Variants in STK3 observed in about 807,000 individuals in gnomAD.
The protein encoded by STK3 is serine/threonine kinase 3.
In STK3, 41 loss-of-function variants were observed where a neutral mutation model predicts 58.0. The observed-to-expected ratio is 0.71, with a 90% CI of 0.55 to 0.92. The LOEUF is 0.92. STK3 is among the 40% of genes least tolerant of loss of function. The pLI is 0.00. For missense variants in STK3, 479 were observed against 602.7 expected (o/e 0.79, Z 2.15); for synonymous variants, 170 against 191.0 (o/e 0.89, Z 0.91).
At chr8:98,403,927 T>C (rs1057248267) in intron 3 of STK3, among the ~76,000 whole-genome samples, 1 of 152,240 alleles carries the variant, frequency 6.6e-6, no homozygotes, top group Non-Finnish European at 1.5e-5. Flanking sequence ...TGGGGATATA[T>C]GCAGATTTTG....
At chr8:98,719,539 G>GA (rs1392737964) in intron 4 of STK3, among the ~76,000 whole-genome samples, 1 of 152,164 alleles carries the variant, frequency 6.6e-6, no homozygotes, top group African/African-American at 2.4e-5. Flanking sequence ...TCTAAAGGAG[G>GA]ATTTTCCAGG....
intron 2 of STK3, among the ~76,000 whole-genome samples, chr8:98,377,991 T>A (rs1817692317): frequency 1.3e-5 from 2 of 152,106 alleles, no homozygotes; most frequent in South Asian, 4.1e-4. Flanking sequence ...ACCTGCCAGG[T>A]GCCCAGTTGA....
chr8:98,622,044 A>C (rs1435319616), intron 6 of STK3, among the ~76,000 whole-genome samples: 2 of 150,892 alleles, frequency 1.3e-5, no homozygotes, highest in African/African-American at 4.9e-5. Context: ...CAGGCAGATC[A>C]CTTGAGGTCA....
intron 3 of STK3, chr8:98,432,043 A>G (rs1818341972): frequency 6.0e-6 from 1 of 167,062 alleles, no homozygotes; most frequent in Admixed American, 6.5e-5. Flanking sequence ...CCCAGGGAGA[A>G]ATAATCTTCC....
chr8:98,394,259 T>G (rs1817875787), intron 3 of STK3, among the ~76,000 whole-genome samples: 1 of 152,210 alleles, frequency 6.6e-6, no homozygotes, highest in South Asian at 2.1e-4. Context: ...GCTAGAGGTC[T>G]TATGGAGACA....
At chr8:98,926,202 G>T (rs923151715) in intron 1 of STK3, among the ~76,000 whole-genome samples, 3 of 152,266 alleles carry the variant, frequency 2.0e-5, no homozygotes, top group East Asian at 1.9e-4. Context: ...ATAAGGGTTG[G>T]GGGGAGAGCA....
At chr8:98,808,267 G>A (rs554569129) in intron 1 of STK3, among the ~76,000 whole-genome samples, 3 of 152,248 alleles carry the variant, frequency 2.0e-5, no homozygotes, top group Admixed American at 1.3e-4. Context: ...GAAAGAAAGT[G>A]TGAAGTGAGA....
chr8:98,656,450 C>T (rs1361313722), intron 6 of STK3, among the ~76,000 whole-genome samples: 1 of 151,700 alleles, frequency 6.6e-6, no homozygotes, highest in African/African-American at 2.4e-5. Context: ...CTAACCTGCA[C>T]ATTGTGCACA....
chr8:98,567,240 G>A (rs1812558883), intron 8 of STK3, among the ~76,000 whole-genome samples: 1 of 152,070 alleles, frequency 6.6e-6, no homozygotes. Context: ...GTTGAGACAG[G>A]GTCTAGCTCT....
intron 6 of STK3, among the ~76,000 whole-genome samples, chr8:98,614,029 C>T (rs888194707): frequency 6.6e-6 from 1 of 151,778 alleles, no homozygotes; most frequent in Non-Finnish European, 1.5e-5. Flanking sequence ...AACCAACAAG[C>T]TATAAAATAT....
rs190323661 is a variant in STK3 at position 98,935,790 on chromosome 8, C to T, written c.-79+6588G>A. Among the ~76,000 whole-genome samples the T allele has an allele frequency of 2.6e-5, 4 of 152,268 alleles. No individual in the cohort carries two copies. The East Asian group carries it at 7.7e-4, about 29-fold the overall frequency. On this transcript the variant is annotated intron_variant, in intron 1 of 1. Transcript: ENST00000519420. ...AAATTTCTTCCCCTTGGTTTTCTCTCCAACTTCTTACATGGATAGGAGGAA... is the reference window on the plus strand; with the variant it reads ...AAATTTCTTCCCCTTGGTTTTCTCTTCAACTTCTTACATGGATAGGAGGAA...
At chr8:98,515,445 C>G (rs1352237519) in intron 10 of STK3, among the ~76,000 whole-genome samples, 1 of 152,072 alleles carries the variant, frequency 6.6e-6, no homozygotes, top group Non-Finnish European at 1.5e-5. Context: ...CAGTCTGCAC[C>G]CCGCACCTCG....
chr8:98,469,318 A>G (rs1273216541), intron 10 of STK3, among the ~76,000 whole-genome samples: 1 of 152,078 alleles, frequency 6.6e-6, no homozygotes, highest in Non-Finnish European at 1.5e-5. Context: ...TTCGGTATCA[A>G]CTAATTTAAT....
chr8:98,749,183 T>G (rs1164081261), intron 4 of STK3, 93 bp downstream of exon 4: 2 of 945,946 alleles, frequency 2.1e-6, no homozygotes, highest in Non-Finnish European at 3.2e-6. Context: ...TTTTTCATGC[T>G]ATTATTTTCT....
chr8:98,923,850 TGTGTGCGCGCGC>T (rs773243597), intron 1 of STK3, among the ~76,000 whole-genome samples: 2,787 of 121,618 alleles, frequency 0.023, 36 homozygotes, highest in Non-Finnish European at 0.034. Context: ...TGTGTGTGTG[TGTGTGCGCGCGC>T]GCGCGCGCGC....
chr8:98,400,652 T>C (rs936567831), downstream of STK3, among the ~76,000 whole-genome samples: 1 of 152,248 alleles, frequency 6.6e-6, no homozygotes, highest in African/African-American at 2.4e-5. Context: ...TTCACTTTCA[T>C]GATGATTTTC....
At chr8:98,520,566 C>A (rs1460589169) in intron 10 of STK3, among the ~76,000 whole-genome samples, 1 of 151,720 alleles carries the variant, frequency 6.6e-6, no homozygotes, top group East Asian at 1.9e-4. Context: ...TTCTTAGAAC[C>A]CATTTTCCTC....
intron 1 of STK3, among the ~76,000 whole-genome samples, chr8:98,443,504 C>T (rs530729690): frequency 1.1e-4 from 16 of 152,296 alleles, no homozygotes; most frequent in South Asian, 6.2e-4. Context: ...TCTGTGTCCT[C>T]ATGGAGGCCA....
chr8:98,594,216 A>G (rs1158667746), intron 7 of STK3, among the ~76,000 whole-genome samples: 2 of 152,036 alleles, frequency 1.3e-5, no homozygotes, highest in Non-Finnish European at 1.5e-5. Context: ...CTGAGGTGGG[A>G]GGATAGGTGG....
Sources: allele counts gnomAD v4.1 joint callset (sites outside exome capture counted in the v4.1 genomes callset), GRCh38; gene constraint gnomAD v4.1.1; transcripts MANE v1.5; gene names NCBI Gene and HGNC (gene_info 2026-07-23, HGNC 2026-07-21).